RNF220: variants seen among roughly 807,000 people sequenced by gnomAD.
RNF220 encodes E3 ubiquitin-protein ligase RNF220.
In RNF220, 7 loss-of-function variants were observed where a neutral mutation model predicts 67.1. The ratio of observed to expected loss-of-function variants is 0.10; its 90% CI spans 0.06 to 0.20. RNF220 has a LOEUF of 0.20. Ranked by LOEUF, RNF220 falls within the 10% of genes least tolerant of loss-of-function variation. The pLI, the probability that RNF220 is intolerant of heterozygous loss-of-function variation, is 1.00. For missense variants in RNF220, 565 were observed against 740.3 expected (o/e 0.76, Z 2.75); for synonymous variants, 270 against 283.2 (o/e 0.95, Z 0.47).
chr1:44,591,629 G>C (rs1234993015), intron 2 of RNF220, among the ~76,000 whole-genome samples: 2 of 152,192 alleles, frequency 1.3e-5, no homozygotes, highest in African/African-American at 2.4e-5. Context: ...GAATATTCTA[G>C]TCACAAGCCA....
chr1:44,419,024 G>A (rs752704656), intron 2 of RNF220, among the ~76,000 whole-genome samples: 18 of 152,106 alleles, frequency 1.2e-4, no homozygotes, highest in Non-Finnish European at 2.2e-4. Flanking sequence ...AAATCCACAG[G>A]ATTTTTAAAC....
chr1:44,574,153 A>G (rs1244074710), intron 2 of RNF220, among the ~76,000 whole-genome samples: 1 of 152,204 alleles, frequency 6.6e-6, no homozygotes, highest in African/African-American at 2.4e-5. Context: ...GAATGAATGA[A>G]TGAACGAATG....
chr1:44,592,095 A>G (rs1666157777), intron 2 of RNF220, among the ~76,000 whole-genome samples: 1 of 152,186 alleles, frequency 6.6e-6, no homozygotes, highest in Admixed American at 6.5e-5. Context: ...ACATGATAAA[A>G]ATGAAAGGAA....
At chr1:44,635,504 G>A (rs1341158926) in intron 6 of RNF220, 41 bp from the exon 7 acceptor site, 14 of 1,605,234 alleles carry the variant, frequency 8.7e-6, no homozygotes, top group Middle Eastern at 1.7e-4. Context: ...TGCAGTGACC[G>A]TCTGCTTGTT....
chr1:44,571,449 T>C (rs948997656), intron 2 of RNF220, among the ~76,000 whole-genome samples: 4 of 152,228 alleles, frequency 2.6e-5, no homozygotes, highest in Non-Finnish European at 4.4e-5. Context: ...TCCTTCATTT[T>C]GCGTGTGCCT....
chr1:44,619,946 T>C (rs1394746159), intron 3 of RNF220, among the ~76,000 whole-genome samples: 2 of 152,110 alleles, frequency 1.3e-5, no homozygotes, highest in African/African-American at 4.8e-5. Flanking sequence ...GTGAAGAGTG[T>C]TGCTAGGAAA....
intron 2 of RNF220, among the ~76,000 whole-genome samples, chr1:44,475,137 T>C (rs1655180946): frequency 6.6e-6 from 1 of 152,202 alleles, no homozygotes. Context: ...CTTGTTCCAC[T>C]AAAAACTAAA....
chr1:44,487,973 GA>G (rs1382242693), intron 2 of RNF220, among the ~76,000 whole-genome samples: 1 of 38,394 alleles, frequency 2.6e-5, no homozygotes, highest in Non-Finnish European at 8.8e-5. Context: ...TTGGCACTGC[GA>G]TTTTTTTTTT....
chr1:44,618,543 TC>T (rs1183308346), intron 3 of RNF220, among the ~76,000 whole-genome samples: 1 of 152,210 alleles, frequency 6.6e-6, no homozygotes, highest in Non-Finnish European at 1.5e-5. Context: ...AGGGGTTCCA[TC>T]AGACCCCAGA....
intron 5 of RNF220, among the ~76,000 whole-genome samples, chr1:44,629,190 G>A (rs1405878899): frequency 1.3e-5 from 2 of 152,246 alleles, no homozygotes; most frequent in African/African-American, 2.4e-5. Flanking sequence ...GAGGGTAAAT[G>A]CCAAAGCCGC....
chr1:44,620,402 A>C (rs1643743776), intron 3 of RNF220, among the ~76,000 whole-genome samples: 1 of 152,248 alleles, frequency 6.6e-6, no homozygotes. Flanking sequence ...ATCCTAGGCC[A>C]GGTAGAGCAA....
At chr1:44,642,264 C>A (rs1255605390) in intron 8 of RNF220, among the ~76,000 whole-genome samples, 1 of 152,234 alleles carries the variant, frequency 6.6e-6, no homozygotes, top group Admixed American at 6.5e-5. Context: ...CCATCTGCCA[C>A]GCAGAGCACC....
chr1:44,407,409 G>A (rs1234897299), intron 1 of RNF220, among the ~76,000 whole-genome samples: 2 of 152,224 alleles, frequency 1.3e-5, no homozygotes, highest in Non-Finnish European at 2.9e-5. Flanking sequence ...TTCCTGCAAA[G>A]GGGAATGAGC....
chr1:44,510,103 G>A (rs1658856845), intron 2 of RNF220, among the ~76,000 whole-genome samples: 1 of 151,642 alleles, frequency 6.6e-6, no homozygotes. Context: ...GCCAGGCATA[G>A]TGGTGTGCAC....
intron 2 of RNF220, among the ~76,000 whole-genome samples, chr1:44,556,860 C>T (rs893381563): frequency 3.9e-5 from 6 of 152,108 alleles, no homozygotes; most frequent in Non-Finnish European, 5.9e-5. Context: ...CGCCCGGCCT[C>T]TTCCTGTTCA....
intron 2 of RNF220, among the ~76,000 whole-genome samples, chr1:44,590,917 CCAGGCAGAGGGAA>C (rs1183574199): frequency 6.6e-6 from 1 of 152,166 alleles, no homozygotes; most frequent in Admixed American, 6.5e-5. Flanking sequence ...AGATAGTTTT[CCAGGCAGAGGGAA>C]CAGCATGGTT....
intron 5 of RNF220, among the ~76,000 whole-genome samples, chr1:44,628,696 A>G (rs1644028365): frequency 1.3e-5 from 2 of 152,254 alleles, no homozygotes; most frequent in Admixed American, 1.3e-4. Context: ...AACTAATGCT[A>G]AACACTCCCT....
chr1:44,610,075 C>T (rs1398442283), intron 2 of RNF220, among the ~76,000 whole-genome samples: 3 of 152,154 alleles, frequency 2.0e-5, no homozygotes, highest in Non-Finnish European at 4.4e-5. Flanking sequence ...GCAGGCACTC[C>T]GCGACTGGGG....
chr1:44,533,504 AAG>A (rs1660983248), intron 2 of RNF220, among the ~76,000 whole-genome samples: 1 of 152,140 alleles, frequency 6.6e-6, no homozygotes, highest in African/African-American at 2.4e-5. Context: ...ATAAAAGAAA[AAG>A]AAATAAAGTT....
Sources: allele counts gnomAD v4.1 joint callset (sites outside exome capture counted in the v4.1 genomes callset), GRCh38; gene constraint gnomAD v4.1.1; transcripts MANE v1.5; gene names NCBI Gene and HGNC (gene_info 2026-07-23, HGNC 2026-07-21).